WWOX: variants seen among roughly 807,000 people sequenced by gnomAD.
The protein encoded by WWOX is WW domain containing oxidoreductase, also known as WW domain-containing oxidoreductase.
A neutral mutation model predicts 46.2 loss-of-function variants in WWOX; 69 were observed. The ratio of observed to expected loss-of-function variants is 1.49; its 90% CI spans 1.23 to 1.82. The LOEUF (loss-of-function observed/expected upper bound fraction) is 1.82, where lower values mean the gene tolerates loss of function less well. Ranked by LOEUF, WWOX falls within the 40% of genes most tolerant of loss-of-function variation. The pLI is 0.00. For missense variants in WWOX, 919 were observed against 542.6 expected (o/e 1.69, Z -6.89); for synonymous variants, 359 against 202.6 (o/e 1.77, Z -6.56).
intron 8 of WWOX, among the ~76,000 whole-genome samples, chr16:78,715,390 C>T (rs530909048): frequency 1.3e-5 from 2 of 152,074 alleles, no homozygotes; most frequent in Non-Finnish European, 2.9e-5. Context: ...CTTCTGGGAT[C>T]GTAGATGGCC....
At chr16:79,098,648 T>C (rs999743072) in intron 8 of WWOX, among the ~76,000 whole-genome samples, 43 of 152,230 alleles carry the variant, frequency 2.8e-4, no homozygotes, top group Non-Finnish European at 4.6e-4. Flanking sequence ...TAGTGAATTT[T>C]TCCTAAAATG....
chr16:78,150,836 A>G (rs1041151763), intron 4 of WWOX, among the ~76,000 whole-genome samples: 16 of 152,134 alleles, frequency 1.1e-4, no homozygotes, highest in African/African-American at 3.4e-4. Context: ...TGTGAATAAT[A>G]AAAGACTCTC....
At chr16:78,674,712 A>G (rs1273218571) in intron 8 of WWOX, among the ~76,000 whole-genome samples, 2 of 152,380 alleles carry the variant, frequency 1.3e-5, no homozygotes, top group Admixed American at 1.3e-4. Flanking sequence ...AGAAAAATAA[A>G]CAAGAACAAA....
chr16:78,709,153 G>T (rs1216153204), intron 8 of WWOX, among the ~76,000 whole-genome samples: 1 of 152,158 alleles, frequency 6.6e-6, no homozygotes, highest in Admixed American at 6.5e-5. Flanking sequence ...TGAAAAAATA[G>T]AAATGGGAGG....
At chr16:78,175,733 T>A (rs1199885358) in intron 5 of WWOX, among the ~76,000 whole-genome samples, 1 of 152,198 alleles carries the variant, frequency 6.6e-6, no homozygotes, top group Non-Finnish European at 1.5e-5. Context: ...TCTGAATCCT[T>A]GACCCACAAA....
At chr16:78,802,520 G>T (rs1216021870) in intron 8 of WWOX, among the ~76,000 whole-genome samples, 1 of 152,168 alleles carries the variant, frequency 6.6e-6, no homozygotes, top group South Asian at 2.1e-4. Context: ...AATAGTTGAG[G>T]ACAAAGACCA....
chr16:78,159,066 A>C (rs926011625), intron 4 of WWOX, among the ~76,000 whole-genome samples: 1 of 152,122 alleles, frequency 6.6e-6, no homozygotes, highest in South Asian at 2.1e-4. Context: ...ACTTAGCATA[A>C]TGTCCTTCAG....
chr16:78,882,601 G>A (rs747270253), intron 8 of WWOX, among the ~76,000 whole-genome samples: 2 of 32,690 alleles, frequency 6.1e-5, no homozygotes, highest in African/African-American at 3.0e-4. Flanking sequence ...CTCGCCTCCC[G>A]AGTAGCCTCC....
chr16:78,706,831 T>G (rs981980800), intron 8 of WWOX, among the ~76,000 whole-genome samples: 1 of 152,106 alleles, frequency 6.6e-6, no homozygotes, highest in Non-Finnish European at 1.5e-5. Flanking sequence ...AGATCTCACT[T>G]TATCACCCAG....
At chr16:78,331,381 A>G (rs2151892432) in intron 5 of WWOX, among the ~76,000 whole-genome samples, 1 of 152,366 alleles carries the variant, frequency 6.6e-6, no homozygotes, top group East Asian at 1.9e-4. Flanking sequence ...TCCAAATGAA[A>G]CAGGCAACCA....
At chr16:78,704,048 T>A in intron 8 of WWOX, among the ~76,000 whole-genome samples, 1 of 152,170 alleles carries the variant, frequency 6.6e-6, no homozygotes, top group East Asian at 1.9e-4. Flanking sequence ...CCAAGTGAAC[T>A]TGATTCTTAA....
At chr16:78,754,812 C>G (rs2049595441) in intron 8 of WWOX, among the ~76,000 whole-genome samples, 1 of 152,126 alleles carries the variant, frequency 6.6e-6, no homozygotes. Flanking sequence ...ACTTATAGAT[C>G]TGCACGGTTG....
intron 8 of WWOX, among the ~76,000 whole-genome samples, chr16:78,885,795 C>A (rs1015106675): frequency 2.0e-5 from 3 of 151,970 alleles, no homozygotes; most frequent in African/African-American, 7.3e-5. Flanking sequence ...CGGATTCTTC[C>A]CCCTTCTTAC....
chr16:78,722,469 C>A (rs1029973738), intron 8 of WWOX, among the ~76,000 whole-genome samples: 1 of 152,146 alleles, frequency 6.6e-6, no homozygotes, highest in South Asian at 2.1e-4. Flanking sequence ...GTTCCTGTCA[C>A]ATAGGAAGCA....
chr16:78,450,450 C>G (rs556598850), intron 8 of WWOX, among the ~76,000 whole-genome samples: 59 of 152,114 alleles, frequency 3.9e-4, no homozygotes, highest in African/African-American at 1.4e-3. Flanking sequence ...TCAGAGTGTC[C>G]AAGTAATCTG....
intron 5 of WWOX, among the ~76,000 whole-genome samples, chr16:78,328,571 G>A (rs577895154): frequency 6.6e-6 from 1 of 152,170 alleles, no homozygotes; most frequent in Admixed American, 6.5e-5. Flanking sequence ...TTTATTGTAG[G>A]CCTGTATTCA....
At chr16:78,483,971 C>G (rs922784443) in intron 8 of WWOX, among the ~76,000 whole-genome samples, 1 of 152,098 alleles carries the variant, frequency 6.6e-6, no homozygotes, top group South Asian at 2.1e-4. Context: ...AAGATGGGCC[C>G]CTTTCAGGAA....
intron 8 of WWOX, among the ~76,000 whole-genome samples, chr16:78,503,225 A>G (rs948815697): frequency 6.6e-6 from 1 of 152,168 alleles, no homozygotes; most frequent in Non-Finnish European, 1.5e-5. Context: ...TGAGAGCATG[A>G]TGGGAAGATG....
At chr16:78,515,549 GT>G (rs750694978) in intron 8 of WWOX, among the ~76,000 whole-genome samples, 24 of 152,286 alleles carry the variant, frequency 1.6e-4, no homozygotes, top group Non-Finnish European at 3.4e-4. Flanking sequence ...GTCTATGAAC[GT>G]TTTTAGAAAC....
Sources: gnomAD v4.1 joint callset for allele counts (sites outside exome capture counted in the v4.1 genomes callset) on GRCh38, gnomAD v4.1.1 for gene constraint, MANE v1.5 for transcripts, NCBI Gene and HGNC (gene_info 2026-07-23, HGNC 2026-07-21) for gene names.